The following CFAP61 variants were observed in gnomAD, a reference collection of about 807,000 sequenced individuals.
CFAP61 encodes the protein cilia- and flagella-associated protein 61.
Under a neutral mutation model 135.6 loss-of-function variants are expected in CFAP61, and 107 were observed. That is an observed-to-expected ratio of 0.79 (90% confidence interval 0.67 to 0.93). CFAP61 has a LOEUF of 0.93. Among genes scored for constraint, CFAP61 ranks in the 40% least tolerant of loss-of-function variants. CFAP61 has a pLI of 0.00. For missense variants in CFAP61, 1,507 were observed against 1,556.2 expected (o/e 0.97, Z 0.53); for synonymous variants, 575 against 578.5 (o/e 0.99, Z 0.09).
At chr20:20,118,207 G>A (rs1208474243) in intron 8 of CFAP61, among the ~76,000 whole-genome samples, 2 of 151,850 alleles carry the variant, frequency 1.3e-5, no homozygotes, top group African/African-American at 4.8e-5. Context: ...TTAGTATGAT[G>A]TTAGCTGTGA....
At chr20:20,107,641 T>C (rs1004062876) in intron 8 of CFAP61, 25 of 152,200 alleles carry the variant, frequency 1.6e-4, no homozygotes, top group African/African-American at 6.0e-4. Flanking sequence ...TTTTCTTTTT[T>C]TCAGAGACAA....
intron 20 of CFAP61, among the ~76,000 whole-genome samples, chr20:20,252,086 G>C (rs1401558914): frequency 6.6e-6 from 1 of 152,224 alleles, no homozygotes; most frequent in Non-Finnish European, 1.5e-5. Flanking sequence ...ACGCAACCAG[G>C]CATGCATTTG....
At chr20:20,350,358 G>A (rs144237093) in intron 26 of CFAP61, among the ~76,000 whole-genome samples, 1 of 152,360 alleles carries the variant, frequency 6.6e-6, no homozygotes, top group Non-Finnish European at 1.5e-5. Context: ...GCCAGACGTG[G>A]TGGTTCACAC....
At chr20:20,265,432 GTGT>G (rs1206021967) in intron 21 of CFAP61, 1 of 779,690 alleles carries the variant, frequency 1.3e-6, no homozygotes, top group African/African-American at 1.7e-5. Flanking sequence ...AAGAGCATCA[GTGT>G]TATTCTGCTG....
chr20:20,090,761 C>A, intron 6 of CFAP61, 83 bp from the exon 7 acceptor site: 12 of 1,333,032 alleles, frequency 9.0e-6, no homozygotes, highest in South Asian at 1.3e-5. Context: ...GCACTTAGAA[C>A]AGGGTCTGGC....
chr20:20,314,294 G>A (rs776461134), intron 25 of CFAP61, among the ~76,000 whole-genome samples: 2 of 151,018 alleles, frequency 1.3e-5, no homozygotes, highest in East Asian at 1.9e-4. Flanking sequence ...AGTGGCTGAG[G>A]TGAGAGGATC....
intron 26 of CFAP61, among the ~76,000 whole-genome samples, chr20:20,353,640 T>C (rs532996153): frequency 6.6e-6 from 1 of 152,336 alleles, no homozygotes; most frequent in Non-Finnish European, 1.5e-5. Context: ...AATTAGCCTA[T>C]GGTAAAATTG....
At chr20:20,263,499 T>C (rs2052440749) in intron 21 of CFAP61, among the ~76,000 whole-genome samples, 1 of 152,104 alleles carries the variant, frequency 6.6e-6, no homozygotes, top group African/African-American at 2.4e-5. Context: ...TGAAAAGACC[T>C]AGGAAGAAAA....
chr20:20,127,813 G>C (rs2050187222), intron 8 of CFAP61, among the ~76,000 whole-genome samples: 1 of 151,702 alleles, frequency 6.6e-6, no homozygotes. Flanking sequence ...ATCAGGTAGG[G>C]GGCATGGCTA....
intron 25 of CFAP61, among the ~76,000 whole-genome samples, chr20:20,307,660 T>G (rs2056559019): frequency 6.6e-6 from 1 of 152,230 alleles, no homozygotes; most frequent in Non-Finnish European, 1.5e-5. Flanking sequence ...TATATCTTAT[T>G]TTTAAAATTG....
intron 16 of CFAP61, among the ~76,000 whole-genome samples, chr20:20,198,940 G>C (rs2056456263): frequency 6.6e-6 from 1 of 152,104 alleles, no homozygotes; most frequent in Non-Finnish European, 1.5e-5. Context: ...TGATTTTACA[G>C]TCTAACTCTT....
At chr20:20,358,220 G>GGTGGTCACACTGAGGGGAA (rs1255698435) in intron 26 of CFAP61, among the ~76,000 whole-genome samples, 1 of 149,322 alleles carries the variant, frequency 6.7e-6, no homozygotes, top group Non-Finnish European at 1.5e-5. Context: ...TGTGAGGGGA[G>GGTGGTCACACTGAGGGGAA]GTGGTCACAC....
At chr20:20,070,511 A>G (rs1176676211) in intron 2 of CFAP61, among the ~76,000 whole-genome samples, 2 of 152,220 alleles carry the variant, frequency 1.3e-5, no homozygotes, top group Non-Finnish European at 2.9e-5. Flanking sequence ...ATAGATGTTT[A>G]GGCCAAACAC....
chr20:20,317,531 G>T (rs183182069), intron 25 of CFAP61, among the ~76,000 whole-genome samples: 15 of 152,226 alleles, frequency 9.9e-5, no homozygotes, highest in Admixed American at 4.6e-4. Context: ...CACCTTCTTC[G>T]CAAACCTTAA....
At chr20:20,264,935 G>GCTCA (rs1555938130) in intron 21 of CFAP61, among the ~76,000 whole-genome samples, 4 of 152,182 alleles carry the variant, frequency 2.6e-5, no homozygotes, top group Non-Finnish European at 2.9e-5. Flanking sequence ...TATGGTCTCT[G>GCTCA]TTGCAACTCT....
At chr20:20,201,277 C>T (rs1322123630) in intron 17 of CFAP61, among the ~76,000 whole-genome samples, 1 of 152,196 alleles carries the variant, frequency 6.6e-6, no homozygotes, top group Non-Finnish European at 1.5e-5. Context: ...TGCACATGGG[C>T]ACCTGTTCCA....
At position 20,098,772 on chromosome 20, in the gene CFAP61, G is replaced by C; in HGVS notation, c.817G>C (p.Val273Leu). 6.2e-7 allele frequency: 1 copy of C among 1,613,922 alleles called. No homozygotes were observed. The highest frequency in any genetic ancestry group is 8.5e-7 in the Non-Finnish European group (1 of 1,179,958). Residue 273 changes from valine (V) to leucine (L), a missense_variant, in exon 8 of 27, where the codon GTT (valine) becomes CTT (leucine). By Grantham distance (32) the Val-to-Leu change is conservative (BLOSUM62 1). Transcript: ENST00000245957. Reference sequence around the variant, plus strand: ...ACTCTGTTTCCCACATCCTGATGACGTTCTGGAATCACCACAAGACCTAAG... The same window carrying C: ...ACTCTGTTTCCCACATCCTGATGACCTTCTGGAATCACCACAAGACCTAAG... ...HGLCFPHPDD[V>L]LESPQDLSVR...
intron 8 of CFAP61, among the ~76,000 whole-genome samples, chr20:20,110,507 G>C (rs893848060): frequency 3.9e-5 from 6 of 152,104 alleles, no homozygotes; most frequent in Non-Finnish European, 8.8e-5. Flanking sequence ...TTAATATCTG[G>C]AGCAACTATC....
chr20:20,084,221 T>TAC (rs35299495), intron 6 of CFAP61, among the ~76,000 whole-genome samples: 2 of 151,940 alleles, frequency 1.3e-5, no homozygotes, highest in South Asian at 2.1e-4. Context: ...TTTCTTAAAA[T>TAC]ACACACACAC....
Sources: gnomAD v4.1 joint callset for allele counts (sites outside exome capture counted in the v4.1 genomes callset) on GRCh38, gnomAD v4.1.1 for gene constraint, MANE v1.5 for transcripts, NCBI Gene and HGNC (gene_info 2026-07-23, HGNC 2026-07-21) for gene names.